The following ANKRD13C variants were observed in gnomAD, a reference collection of about 807,000 sequenced individuals.
The protein encoded by ANKRD13C is ankyrin repeat domain 13C, also known as ankyrin repeat domain-containing protein 13C.
ANKRD13C carries 16 observed loss-of-function variants against 65.5 expected under a neutral mutation model. That is an observed-to-expected ratio of 0.24 (90% CI 0.17 to 0.37). The LOEUF (loss-of-function observed/expected upper bound fraction) is 0.37, where lower values mean the gene tolerates loss of function less well. Among genes scored for constraint, ANKRD13C ranks in the 10% least tolerant of loss-of-function variants. The pLI is 1.00. For synonymous variants in ANKRD13C, 235 were observed against 238.7 expected (o/e 0.98, Z 0.14); for missense variants, 503 against 655.9 (o/e 0.77, Z 2.55).
At chr1:70,329,319 G>C (rs1432688158) in intron 2 of ANKRD13C, among the ~76,000 whole-genome samples, 1 of 151,890 alleles carries the variant, frequency 6.6e-6, no homozygotes, top group African/African-American at 2.4e-5. Context: ...TCACGAGTTC[G>C]AGACCAGCCT....
chr1:70,279,177 G>A (rs1050011022), intron 9 of ANKRD13C, among the ~76,000 whole-genome samples: 5 of 151,926 alleles, frequency 3.3e-5, no homozygotes, highest in Non-Finnish European at 4.4e-5. Context: ...ACTGCACTCC[G>A]GCCTACAGGA....
chr1:70,312,406 A>T (rs902799444), intron 5 of ANKRD13C, among the ~76,000 whole-genome samples: 1 of 151,726 alleles, frequency 6.6e-6, no homozygotes, highest in Non-Finnish European at 1.5e-5. Flanking sequence ...TGCTCTGGAA[A>T]TCCCACTACA....
At chr1:70,292,969 A>T (rs1189042768) in intron 8 of ANKRD13C, among the ~76,000 whole-genome samples, 1 of 152,202 alleles carries the variant, frequency 6.6e-6, no homozygotes, top group Non-Finnish European at 1.5e-5. Flanking sequence ...ATAGAAAAAA[A>T]GTGGAATAAA....
intron 8 of ANKRD13C, among the ~76,000 whole-genome samples, chr1:70,295,180 C>T (rs1228018240): frequency 6.6e-6 from 1 of 152,000 alleles, no homozygotes; most frequent in Non-Finnish European, 1.5e-5. Flanking sequence ...TGGTCACTTA[C>T]TGTTAAATTT....
At chr1:70,281,622 C>T (rs191938526) in intron 9 of ANKRD13C, among the ~76,000 whole-genome samples, 222 of 151,330 alleles carry the variant, frequency 1.5e-3, no homozygotes, top group African/African-American at 5.2e-3. Context: ...CCAGGCTGGT[C>T]TTGAACTCCT....
intron 1 of ANKRD13C, among the ~76,000 whole-genome samples, chr1:70,337,365 A>C (rs746362119): frequency 6.6e-6 from 1 of 151,736 alleles, no homozygotes; most frequent in Non-Finnish European, 1.5e-5. Context: ...AGATCACCCG[A>C]GGTCAAGAGT....
At chr1:70,322,759 G>A (rs193076628) in intron 3 of ANKRD13C, among the ~76,000 whole-genome samples, 26 of 152,210 alleles carry the variant, frequency 1.7e-4, no homozygotes, top group Non-Finnish European at 2.8e-4. Context: ...TTGGGAGGCC[G>A]AGGCTGGTGG....
chr1:70,281,780 C>G (rs1051218779), intron 9 of ANKRD13C, among the ~76,000 whole-genome samples: 3 of 151,612 alleles, frequency 2.0e-5, no homozygotes, highest in Non-Finnish European at 4.4e-5. Context: ...AATAGGAATG[C>G]CTTCTCCTTT....
intron 9 of ANKRD13C, among the ~76,000 whole-genome samples, chr1:70,291,712 C>T (rs181580365): frequency 6.6e-6 from 1 of 152,164 alleles, no homozygotes; most frequent in Non-Finnish European, 1.5e-5. Flanking sequence ...GAGTCTGAGG[C>T]AGAAGAATCG....
At chr1:70,335,233 T>G (rs1398703084) in intron 2 of ANKRD13C, among the ~76,000 whole-genome samples, 3 of 151,806 alleles carry the variant, frequency 2.0e-5, no homozygotes, top group Admixed American at 6.6e-5. Flanking sequence ...GGTGAAGCCC[T>G]GTCTCTACTA....
intron 3 of ANKRD13C, among the ~76,000 whole-genome samples, chr1:70,324,142 C>A (rs996719762): frequency 6.6e-6 from 1 of 152,070 alleles, no homozygotes; most frequent in Non-Finnish European, 1.5e-5. Context: ...AAACTGCCAA[C>A]GTTTTTTATT....
chr1:70,341,853 A>T (rs1320571802), intron 1 of ANKRD13C, among the ~76,000 whole-genome samples: 2 of 152,058 alleles, frequency 1.3e-5, no homozygotes, highest in Non-Finnish European at 2.9e-5. Context: ...TCTTGTCCTC[A>T]TATAGAGAAT....
At chr1:70,347,933 A>G (rs1472159102) in intron 1 of ANKRD13C, among the ~76,000 whole-genome samples, 2 of 152,202 alleles carry the variant, frequency 1.3e-5, no homozygotes, top group Non-Finnish European at 2.9e-5. Context: ...TCTATCCTAC[A>G]AAAACAAAAT....
chr1:70,273,127 A>C (rs1254431105), intron 11 of ANKRD13C, among the ~76,000 whole-genome samples: 1 of 152,162 alleles, frequency 6.6e-6, no homozygotes, highest in African/African-American at 2.4e-5. Flanking sequence ...TCTGAGACTT[A>C]TCTCTCTCTG....
At chr1:70,319,546 G>T (rs1321154349) in intron 3 of ANKRD13C, among the ~76,000 whole-genome samples, 1 of 148,992 alleles carries the variant, frequency 6.7e-6, no homozygotes. Flanking sequence ...GGCGGAGGCT[G>T]CAGAGAGCCA....
Position 70,274,829 on chromosome 1 carries a change from AG to A in ANKRD13C, c.1296-12del. On this transcript the variant is annotated splice_polypyrimidine_tract_variant and intron_variant, in intron 10 of 12. Transcript: ENST00000370944. ...CCCAGATGAGGAGCTCTAAAATGGG[AG>A]GAAAAAAAATGTTAGGAAACTTTTT... is the stretch of plus-strand genomic sequence containing the variant. The A allele has an allele frequency of 6.3e-7, 1 of 1,585,972 alleles. No homozygotes were observed. Among genetic ancestry groups the A allele is most frequent in the South Asian group, 1.1e-5 (1 of 90,102 alleles).
chr1:70,270,109 G>T lies in ANKRD13C; in HGVS notation c.1495+747C>A, dbSNP rs191458495. Among the ~76,000 whole-genome samples, 535 of 152,266 alleles carry T rather than the reference G, an allele frequency of 3.5e-3. 6 individuals are homozygous for T. The South Asian group carries it at 0.037, about 10-fold the overall frequency. ...CTTAAGATGAAATTAAACATTTAGGGCTGAAAAATAAAACGTATGAGTATT... is the reference window on the plus strand; with the variant it reads ...CTTAAGATGAAATTAAACATTTAGGTCTGAAAAATAAAACGTATGAGTATT... On this transcript the variant is annotated intron_variant, in intron 12 of 12. Transcript: ENST00000370944.
At chr1:70,268,486 T>G (rs1391152887) in intron 12 of ANKRD13C, among the ~76,000 whole-genome samples, 1 of 152,090 alleles carries the variant, frequency 6.6e-6, no homozygotes, top group East Asian at 1.9e-4. Context: ...TAAAAAGAGC[T>G]AGGAGGAGAA....
chr1:70,305,420 T>TC (rs1680546408), intron 6 of ANKRD13C, among the ~76,000 whole-genome samples: 1 of 152,110 alleles, frequency 6.6e-6, no homozygotes, highest in African/African-American at 2.4e-5. Flanking sequence ...AGATAATCCT[T>TC]CAAGTTATTT....
Sources: allele counts gnomAD v4.1 joint callset (sites outside exome capture counted in the v4.1 genomes callset), GRCh38; gene constraint gnomAD v4.1.1; transcripts MANE v1.5; gene names NCBI Gene and HGNC (gene_info 2026-07-23, HGNC 2026-07-21).